The following EFR3B variants were observed in gnomAD, a reference collection of about 807,000 sequenced individuals.
EFR3B encodes EFR3 homolog B, also known as protein EFR3 homolog B.
A neutral mutation model predicts 104.7 loss-of-function variants in EFR3B; 64 were observed. The ratio of observed to expected loss-of-function variants is 0.61; its 90% CI spans 0.50 to 0.75. EFR3B has a LOEUF of 0.75. Ranked by LOEUF, EFR3B falls within the 30% of genes least tolerant of loss-of-function variation. The pLI, the probability that EFR3B is intolerant of heterozygous loss-of-function variation, is 0.00. For missense variants in EFR3B, 750 were observed against 1,078.5 expected (o/e 0.70, Z 4.27); for synonymous variants, 385 against 417.9 (o/e 0.92, Z 0.96).
intron 1 of EFR3B, among the ~76,000 whole-genome samples, chr2:25,057,472 T>C (rs1156580041): frequency 1.3e-5 from 2 of 151,922 alleles, no homozygotes; most frequent in Non-Finnish European, 2.9e-5. Context: ...ATATCCCACA[T>C]AGATTCTTAT....
At chr2:25,092,848 A>C (rs1024031832) in intron 2 of EFR3B, among the ~76,000 whole-genome samples, 155 bp from the exon 3 acceptor site, 1 of 152,256 alleles carries the variant, frequency 6.6e-6, no homozygotes, top group Non-Finnish European at 1.5e-5. Flanking sequence ...CTATGTTTTA[A>C]TCATCTGCCT....
intron 19 of EFR3B, chr2:25,145,349 C>G (rs1237284245): frequency 6.0e-6 from 3 of 503,706 alleles, no homozygotes; most frequent in African/African-American, 5.7e-5. Context: ...GGCAGGAGGA[C>G]TGCTTGAGCC....
intron 1 of EFR3B, among the ~76,000 whole-genome samples, chr2:25,069,686 T>C (rs1346723942): frequency 6.6e-6 from 1 of 152,174 alleles, no homozygotes; most frequent in Non-Finnish European, 1.5e-5. Context: ...CAGAAATCTC[T>C]AGGGAAGGGG....
chr2:25,140,480 T>C lies in EFR3B; in HGVS notation c.1855-886T>C, dbSNP rs572563260. On this transcript the variant is annotated intron_variant, in intron 16 of 22. Coordinates refer to ENST00000403714, the MANE Select transcript of EFR3B (RefSeq NM_014971.2). ...CAGCTTCTGGGCTGATAAGGGAGTA[T>C]AAGAAAGGCAATGCCCAGACATCCT... Among the ~76,000 whole-genome samples the C allele has an allele frequency of 4.1e-4, 62 of 152,094 alleles. 1 individual carries two copies. Among genetic ancestry groups the C allele is most frequent in the Non-Finnish European group, 7.1e-4 (48 of 67,996 alleles).
intron 6 of EFR3B, among the ~76,000 whole-genome samples, chr2:25,129,218 A>C (rs796642018): frequency 1.3e-5 from 2 of 151,054 alleles, no homozygotes; most frequent in African/African-American, 4.9e-5. Flanking sequence ...GGTGAAATGG[A>C]ATGGGGAGAA....
At chr2:25,141,052 A>AG (rs1348776949) in intron 16 of EFR3B, among the ~76,000 whole-genome samples, 4 of 152,006 alleles carry the variant, frequency 2.6e-5, no homozygotes, top group Non-Finnish European at 4.4e-5. Context: ...AAAAAAAAAA[A>AG]AAAAAAAAGC....
At chr2:25,106,602 C>A (rs565769155) in intron 4 of EFR3B, among the ~76,000 whole-genome samples, 1 of 152,082 alleles carries the variant, frequency 6.6e-6, no homozygotes, top group Admixed American at 6.5e-5. Context: ...GGATTATAGG[C>A]GCCTGCCACC....
chr2:25,153,809 T>C lies in EFR3B; in HGVS notation c.2348+48T>C, dbSNP rs767194804. The C allele has an allele frequency of 9.1e-6, 14 of 1,538,862 alleles. No homozygotes were observed. In the Admixed American group the frequency reaches 9.8e-5, roughly 11 times the overall value. On this transcript the variant is annotated intron_variant, in intron 22 of 22. Transcript: ENST00000403714. ...GGACCCTGACCTCCGTGGCCCAGTATTGGGGTTCCTCATCCTGAGTCCTCT... is the reference window on the plus strand; with the variant it reads ...GGACCCTGACCTCCGTGGCCCAGTACTGGGGTTCCTCATCCTGAGTCCTCT...
intron 1 of EFR3B, among the ~76,000 whole-genome samples, chr2:25,059,572 CGGGGG>C (rs56219617): frequency 0.19 from 11,711 of 60,304 alleles, 1,441 homozygotes; most frequent in East Asian, 0.42. Flanking sequence ...CCAGGGACTG[CGGGGG>C]GGGGGGGGGT....
intron 1 of EFR3B, among the ~76,000 whole-genome samples, chr2:25,064,157 G>A (rs1411892964): frequency 6.6e-6 from 1 of 152,192 alleles, no homozygotes; most frequent in Admixed American, 6.5e-5. Context: ...GACCACCCTG[G>A]CCCTGGCTCT....
At position 25,144,469 on chromosome 2, in the gene EFR3B, G is replaced by A. The variant is rs149368495; in HGVS notation, c.2051-491G>A. Among the ~76,000 whole-genome samples the A allele has an allele frequency of 3.2e-3, 487 of 152,194 alleles. 2 individuals are homozygous for A. Among genetic ancestry groups the A allele is most frequent in the African/African-American group, 0.011 (464 of 41,514 alleles). On this transcript the variant is annotated intron_variant, in intron 18 of 22. Transcript: ENST00000403714. ...TGAAACAGGAGAATTGCTTGAACCC[G>A]GGAGGCAAAGATTGCAGTGAGCCAA... is the stretch of plus-strand genomic sequence containing the variant.
intron 1 of EFR3B, among the ~76,000 whole-genome samples, chr2:25,051,083 C>A (rs542588921): frequency 5.9e-5 from 9 of 152,178 alleles, no homozygotes; most frequent in East Asian, 1.9e-4. Context: ...GCTCCACCCC[C>A]CTTTGCAGTT....
chr2:25,080,919 G>A lies in EFR3B; in HGVS notation c.8-10406G>A, dbSNP rs1668786046. Reference sequence around the variant, plus strand: ...TTCTGCTGCGGAATCCACAATATTAGGTGGAAATCCCATCTTCTGTTCAAG... The same window carrying A: ...TTCTGCTGCGGAATCCACAATATTAAGTGGAAATCCCATCTTCTGTTCAAG... On this transcript the variant is annotated intron_variant, in intron 1 of 22. Transcript: ENST00000403714. 33 of 772,980 alleles carry A rather than the reference G, an allele frequency of 4.3e-5. No individual in the cohort carries two copies. The South Asian group carries it at 4.5e-4, about 11-fold the overall frequency. 47.9% of individuals were successfully genotyped at this position (772,980 alleles called of 1,614,324 possible).
chr2:25,098,100 A>G (rs900511801), intron 3 of EFR3B, among the ~76,000 whole-genome samples: 1 of 151,652 alleles, frequency 6.6e-6, no homozygotes, highest in Non-Finnish European at 1.5e-5. Context: ...GATACCGCAG[A>G]CCCCTACTAG....
chr2:25,068,200 A>G (rs1172962596), intron 1 of EFR3B, among the ~76,000 whole-genome samples: 2 of 152,220 alleles, frequency 1.3e-5, no homozygotes, highest in Non-Finnish European at 2.9e-5. Context: ...TGTATGAGCC[A>G]TAAGTCTGAG....
At chr2:25,099,935 G>A (rs1444796095) in intron 3 of EFR3B, among the ~76,000 whole-genome samples, 1 of 152,004 alleles carries the variant, frequency 6.6e-6, no homozygotes, top group Non-Finnish European at 1.5e-5. Flanking sequence ...GGGTGCAGTG[G>A]CTCACACCTG....
At chr2:25,150,115 T>C in intron 20 of EFR3B, among the ~76,000 whole-genome samples, 1 of 152,024 alleles carries the variant, frequency 6.6e-6, no homozygotes, top group East Asian at 1.9e-4. Flanking sequence ...GCCTGACCAA[T>C]GTGGTGAAAC....
chr2:25,082,902 A>G (rs1668849298), intron 1 of EFR3B, among the ~76,000 whole-genome samples: 2 of 152,196 alleles, frequency 1.3e-5, no homozygotes, highest in Non-Finnish European at 2.9e-5. Flanking sequence ...CAGCTAGGTG[A>G]CATTTGGGCA....
chr2:25,074,984 C>T (rs1000748698), intron 1 of EFR3B, among the ~76,000 whole-genome samples: 4 of 152,080 alleles, frequency 2.6e-5, no homozygotes, highest in South Asian at 2.1e-4. Context: ...CAAAGAAATG[C>T]GCAGAGAGGT....
Sources: gnomAD v4.1 joint callset for allele counts (sites outside exome capture counted in the v4.1 genomes callset) on GRCh38, gnomAD v4.1.1 for gene constraint, MANE v1.5 for transcripts, NCBI Gene and HGNC (gene_info 2026-07-23, HGNC 2026-07-21) for gene names.